The following NAV2 variants were observed in gnomAD, a reference collection of about 807,000 sequenced individuals.
The protein encoded by NAV2 is neuron navigator 2.
A neutral mutation model predicts 223.2 loss-of-function variants in NAV2; 54 were observed. The ratio of observed to expected loss-of-function variants is 0.24; its 90% CI spans 0.19 to 0.30. The LOEUF (loss-of-function observed/expected upper bound fraction) is 0.30, where lower values mean the gene tolerates loss of function less well. Ranked by LOEUF, NAV2 falls within the 10% of genes least tolerant of loss-of-function variation. The pLI is 1.00. For synonymous variants in NAV2, 1,279 were observed against 1,239.3 expected, an observed-to-expected ratio of 1.03 and a Z score of -0.67; for missense variants, 2,806 against 3,147.5, an observed-to-expected ratio of 0.89 and a Z score of 2.60.
intron 1 of NAV2, among the ~76,000 whole-genome samples, chr11:19,616,335 T>TGTGTGTGTGTGTGC (rs1159006427): frequency 1.3e-5 from 2 of 148,302 alleles, no homozygotes; most frequent in African/African-American, 5.0e-5. Flanking sequence ...TGTGTGTGTG[T>TGTGTGTGTGTGTGC]GCGCGCGCAT....
At chr11:19,688,158 G>T (rs1262301633) in intron 1 of NAV2, among the ~76,000 whole-genome samples, 1 of 152,202 alleles carries the variant, frequency 6.6e-6, no homozygotes, top group East Asian at 1.9e-4. Context: ...ATTCTTACAT[G>T]AGAAGCAAAG....
chr11:20,004,137 C>G (rs1400711748), intron 11 of NAV2, among the ~76,000 whole-genome samples: 1 of 152,162 alleles, frequency 6.6e-6, no homozygotes, highest in Non-Finnish European at 1.5e-5. Flanking sequence ...CATCCAGAAG[C>G]TCACCTGGAA....
chr11:19,985,137 ATAG>A (rs35986709), intron 11 of NAV2, among the ~76,000 whole-genome samples: 27,631 of 152,174 alleles, frequency 0.18, 3,029 homozygotes, highest in East Asian at 0.53. Flanking sequence ...AGAAAGCCAA[ATAG>A]TAGCACAACA....
intron 1 of NAV2, among the ~76,000 whole-genome samples, chr11:19,609,399 T>G (rs1178122091): frequency 6.6e-6 from 1 of 151,614 alleles, no homozygotes; most frequent in African/African-American, 2.4e-5. Context: ...CAAGAATGAG[T>G]CTGTAGAAAC....
In NAV2 at chr11:19,969,314, C is replaced by T. The variant is rs1289616159; in HGVS notation, c.2646-14811C>T. 2.6e-5 allele frequency among the ~76,000 whole-genome samples: 4 copies of T among 152,242 alleles called. No homozygotes were observed. In the East Asian group the frequency reaches 7.7e-4, roughly 29 times the overall value. ...CAATACAGTGGACTCTTTGCTGGAG[C>T]CATGCTGTCCCTTAAATGAGACCCG... On this transcript the variant is annotated intron_variant, in intron 10 of 37. Coordinates refer to ENST00000349880, the MANE Select transcript of NAV2 (RefSeq NM_145117.5).
At chr11:19,714,372 G>C in intron 1 of NAV2, 1 of 472,204 alleles carries the variant, frequency 2.1e-6, no homozygotes, top group Non-Finnish European at 4.2e-6. Flanking sequence ...TTCCGGACAA[G>C]GAATGATCTA....
chr11:19,820,771 G>A (rs1007671894), intron 1 of NAV2, among the ~76,000 whole-genome samples: 2 of 152,176 alleles, frequency 1.3e-5, no homozygotes, highest in African/African-American at 4.8e-5. Context: ...GACAAGGGCA[G>A]CTCTAAATGT....
intron 1 of NAV2, among the ~76,000 whole-genome samples, chr11:19,491,462 G>A (rs1331432612): frequency 6.6e-6 from 1 of 152,164 alleles, no homozygotes; most frequent in Non-Finnish European, 1.5e-5. Flanking sequence ...TTTATGTTAT[G>A]GAGGTGGCTG....
chr11:19,596,461 C>T (rs974271864), intron 1 of NAV2, among the ~76,000 whole-genome samples: 1 of 152,190 alleles, frequency 6.6e-6, no homozygotes, highest in Admixed American at 6.5e-5. Context: ...CATTTCCTTC[C>T]CCTGAGTCTC....
chr11:19,812,310 T>C (rs1565358012), intron 1 of NAV2, among the ~76,000 whole-genome samples: 1 of 152,184 alleles, frequency 6.6e-6, no homozygotes, highest in East Asian at 1.9e-4. Flanking sequence ...AATCAAATAT[T>C]ACCTGCTTAG....
rs56112973 is a variant in NAV2 at position 19,834,555 on chromosome 11, C to CTT, written c.385+1965_385+1966dup. 7.3e-3 allele frequency among the ~76,000 whole-genome samples: 1,081 copies of CTT among 147,548 alleles called. 10 individuals are homozygous for CTT. Among genetic ancestry groups the CTT allele is most frequent in the African/African-American group, 0.025 (994 of 40,166 alleles). On this transcript the variant is annotated intron_variant, in intron 2 of 37. Coordinates refer to ENST00000349880, the MANE Select transcript of NAV2 (RefSeq NM_145117.5). ...GCTGAGACCTCAGAAGAAGGGGTAC[C>CTT]TTTTTTTTTTTTCTTTGGTAGGATG... is the stretch of plus-strand genomic sequence containing the variant.
At chr11:19,923,617 C>A (rs1351130933) in intron 6 of NAV2, among the ~76,000 whole-genome samples, 1 of 152,210 alleles carries the variant, frequency 6.6e-6, no homozygotes, top group Non-Finnish European at 1.5e-5. Flanking sequence ...CCTTAACTAA[C>A]TCTATCTTAG....
chr11:19,584,480 A>G (rs2045827126), intron 1 of NAV2, among the ~76,000 whole-genome samples: 1 of 152,112 alleles, frequency 6.6e-6, no homozygotes, highest in Non-Finnish European at 1.5e-5. Flanking sequence ...TAGGTTGTCA[A>G]TTTTAGATCT....
intron 1 of NAV2, among the ~76,000 whole-genome samples, chr11:19,699,911 A>G (rs2049460498): frequency 6.6e-6 from 1 of 152,166 alleles, no homozygotes; most frequent in African/African-American, 2.4e-5. Flanking sequence ...CCAGCTCTGC[A>G]CATACAGATC....
intron 3 of NAV2, among the ~76,000 whole-genome samples, chr11:19,858,705 A>C (rs1254629714): frequency 6.6e-6 from 1 of 152,232 alleles, no homozygotes; most frequent in African/African-American, 2.4e-5. Flanking sequence ...ATGCAACTCA[A>C]TAGAAGAGAC....
At chr11:20,083,394 A>T (rs2060215235) in intron 26 of NAV2, among the ~76,000 whole-genome samples, 1 of 152,230 alleles carries the variant, frequency 6.6e-6, no homozygotes, top group African/African-American at 2.4e-5. Context: ...AATATCCATA[A>T]CTAACTGGTT....
intron 10 of NAV2, among the ~76,000 whole-genome samples, chr11:19,981,569 T>G (rs2050290502): frequency 6.6e-6 from 1 of 152,258 alleles, no homozygotes; most frequent in Admixed American, 6.5e-5. Context: ...GAAAGAATTT[T>G]GTTTATCTAA....
rs115768204 is a variant in NAV2, at chr11:19,395,429, C to A, written c.75+44402C>A. 1.8e-3 allele frequency among the ~76,000 whole-genome samples: 272 copies of A among 152,330 alleles called. 1 individual carries two copies. Among genetic ancestry groups the A allele is most frequent in the African/African-American group, 6.0e-3 (251 of 41,584 alleles). ...TCTGACAAAACTGCCCCAGTCAGAG[C>A]CTAGTCTGTGGAGAATGGCCAGACA... is the stretch of plus-strand genomic sequence containing the variant. On this transcript the variant is annotated intron_variant, in intron 1 of 37. Transcript: ENST00000360655.
Position 19,880,006 on chromosome 11 carries a change from C to T in NAV2, c.649C>T (p.Pro217Ser), listed in dbSNP as rs779733002. 2.8e-5 allele frequency: 45 copies of T among 1,613,720 alleles called. No individual in the cohort carries two copies. Among genetic ancestry groups the T allele is most frequent in the Non-Finnish European group, 3.4e-5 (40 of 1,179,888 alleles). ...PPAVSQVAGA[P>S]SQCQAGTPQQ... ...CGCCGTATCCCAGGTGGCCGGGGCC[C>T]CCTCCCAGTGCCAGGCTGGCACCCC... The change falls in exon 5 of 38, where the codon CCC (proline) becomes TCC (serine). Residue 217 changes from proline (P) to serine (S), a missense_variant. Coordinates refer to ENST00000349880, the MANE Select transcript of NAV2 (RefSeq NM_145117.5).
Sources: allele counts gnomAD v4.1 joint callset (sites outside exome capture counted in the v4.1 genomes callset), GRCh38; gene constraint gnomAD v4.1.1; transcripts MANE v1.5; gene names NCBI Gene and HGNC (gene_info 2026-07-23, HGNC 2026-07-21).